The following BTD variants were observed in gnomAD, a reference collection of about 807,000 sequenced individuals.
BTD encodes biocytinase.
Under a neutral mutation model 17.7 loss-of-function variants are expected in BTD, and 13 were observed. The observed-to-expected ratio is 0.74, with a 90% confidence interval of 0.48 to 1.17. BTD has a LOEUF of 1.17. Ranked by LOEUF, BTD falls within the 50% of genes most tolerant of loss-of-function variation. The pLI, the probability that BTD is intolerant of heterozygous loss-of-function variation, is 0.00. For missense variants in BTD, 674 were observed against 650.4 expected, an observed-to-expected ratio of 1.04 and a Z score of -0.39; for synonymous variants, 240 against 245.2, an observed-to-expected ratio of 0.98 and a Z score of 0.20.
At position 15,648,613 on chromosome 3, in the gene BTD, C is replaced by T. The variant is rs570691947; in HGVS notation, c.*3125C>T. On this transcript the variant is annotated 3_prime_UTR_variant, in exon 4 of 4. Transcript: ENST00000643237. ...ACAGTGAAGATATCAACCAAGGCTG[C>T]AGCCGGTTGAAGGCCTCACTGGATT... 1.3e-5 allele frequency among the ~76,000 whole-genome samples: 2 copies of T among 152,316 alleles called. No homozygotes were observed. Among genetic ancestry groups the T allele is most frequent in the South Asian group, 2.1e-4 (1 of 4,822 alleles).
Position 15,680,764 on chromosome 3 carries a change from C to CTG in BTD, c.400-29296_400-29295insTG, listed in dbSNP as rs1378258217. Among the ~76,000 whole-genome samples, 1,051 of 152,176 alleles carry CTG rather than the reference C, an allele frequency of 6.9e-3. 13 individuals are homozygous for CTG. Among genetic ancestry groups the CTG allele is most frequent in the African/African-American group, 0.024 (1,005 of 41,492 alleles). ...CTCTGCAGTCTCAACCTCCTGGGCT[C>CTG]AAGTGATCCTCCCACCTCAGCCTCC... On this transcript the variant is annotated intron_variant, in intron 3 of 3. Coordinates refer to the BTD transcript ENST00000672141.
chr3:15,705,182 C>T (rs1485200160), intron 3 of BTD, among the ~76,000 whole-genome samples: 2 of 152,112 alleles, frequency 1.3e-5, no homozygotes, highest in African/African-American at 4.8e-5. Flanking sequence ...AAAGTCATTG[C>T]TTACTTGCTC....
At chr3:15,638,625 T>A (rs2065421700) in intron 2 of BTD, among the ~76,000 whole-genome samples, 1 of 152,206 alleles carries the variant, frequency 6.6e-6, no homozygotes, top group African/African-American at 2.4e-5. Context: ...TTATAAGAGG[T>A]TCCTGAGCAA....
chr3:15,650,844 A>G lies in BTD; in HGVS notation c.*5356A>G, dbSNP rs1455312098. ...GAGTGCAATGGCATGATCTCGGCTC[A>G]CTGCAAGCTCTGCCTCCCGAGTTCA... On this transcript the variant is annotated 3_prime_UTR_variant, in exon 4 of 4. Coordinates refer to ENST00000643237, the MANE Select transcript of BTD (RefSeq NM_001370658.1). Among the ~76,000 whole-genome samples the G allele has an allele frequency of 6.6e-6, 1 of 152,174 alleles. No individual in the cohort carries two copies. Among genetic ancestry groups the G allele is most frequent in the Non-Finnish European group, 1.5e-5 (1 of 68,026 alleles).
At position 15,679,154 on chromosome 3, in the gene BTD, AGATGCAGGT is replaced by A. The variant is rs904599792; in HGVS notation, c.400-30905_400-30897del. 3 of 670,216 alleles carry A rather than the reference AGATGCAGGT, an allele frequency of 4.5e-6. No individual in the cohort carries two copies. The African/African-American group carries it at 5.5e-5, about 12-fold the overall frequency. 41.5% of individuals were successfully genotyped at this position (670,216 alleles called of 1,614,324 possible). On this transcript the variant is annotated intron_variant, in intron 3 of 3. Transcript: ENST00000672141. ...CATGCACTTTTTTTTTTTTTGGTAGAGATGCAGGTCTTGCTATGTTGACCAGGCTGGTCT... is the reference window on the plus strand; with the variant it reads ...CATGCACTTTTTTTTTTTTTGGTAGACTTGCTATGTTGACCAGGCTGGTCT...
At chr3:15,671,295 A>G (rs1294253045) in intron 3 of BTD, among the ~76,000 whole-genome samples, 1 of 152,228 alleles carries the variant, frequency 6.6e-6, no homozygotes, top group Non-Finnish European at 1.5e-5. Context: ...TTGGTACCTC[A>G]GTTGGTACAA....
intron 3 of BTD, among the ~76,000 whole-genome samples, chr3:15,674,174 C>CAAAA (rs34806568): frequency 0.011 from 441 of 40,030 alleles, 45 homozygotes; most frequent in African/African-American, 0.03. Context: ...CCTGCCTCTT[C>CAAAA]AAAAAAAAAA....
At chr3:15,658,998 G>C (rs2455798) in intron 3 of BTD, among the ~76,000 whole-genome samples, 78,897 of 151,942 alleles carry the variant, frequency 0.52, 21,454 homozygotes, top group Middle Eastern at 0.64. Flanking sequence ...ACAGGGGGCT[G>C]TATGTATCTG....
intron 1 of BTD, among the ~76,000 whole-genome samples, chr3:15,602,493 A>G (rs2064296060): frequency 6.6e-6 from 1 of 152,236 alleles, no homozygotes; most frequent in African/African-American, 2.4e-5. Context: ...GCAATGTGCA[A>G]TATCTGAAAC....
At chr3:15,671,060 GAT>G (rs1407044082) in intron 3 of BTD, among the ~76,000 whole-genome samples, 1 of 152,220 alleles carries the variant, frequency 6.6e-6, no homozygotes, top group Non-Finnish European at 1.5e-5. Context: ...GTGCTCAAAA[GAT>G]ATGTGTTGAA....
At chr3:15,692,971 C>A (rs1196901725) in intron 3 of BTD, among the ~76,000 whole-genome samples, 1 of 151,976 alleles carries the variant, frequency 6.6e-6, no homozygotes, top group African/African-American at 2.4e-5. Context: ...ATGGATGAAA[C>A]CTGCTAGATG....
At chr3:15,618,717 G>C (rs2064865289) in intron 1 of BTD, among the ~76,000 whole-genome samples, 1 of 151,992 alleles carries the variant, frequency 6.6e-6, no homozygotes, top group African/African-American at 2.4e-5. Flanking sequence ...CATAGAGATG[G>C]GGTTTCACCA....
intron 1 of BTD, among the ~76,000 whole-genome samples, chr3:15,633,318 C>T (rs1378549394): frequency 1.3e-5 from 2 of 150,448 alleles, no homozygotes; most frequent in Non-Finnish European, 3.0e-5. Context: ...ATTACTCATT[C>T]TCTTCTACCT....
chr3:15,721,751 TTTC>T, intron 4 of BTD, among the ~76,000 whole-genome samples: 1 of 152,176 alleles, frequency 6.6e-6, no homozygotes, highest in Non-Finnish European at 1.5e-5. Context: ...GGGTTTTGCT[TTTC>T]TTTTTTTTGA....
At chr3:15,602,264 C>A (rs2064285197) in intron 1 of BTD, 1 of 1,245,184 alleles carries the variant, frequency 8.0e-7, no homozygotes, top group Admixed American at 3.8e-5. Context: ...GTTTCCTACC[C>A]ACTATTCAGC....
At chr3:15,692,399 G>C (rs866420304) in intron 3 of BTD, among the ~76,000 whole-genome samples, 1 of 152,158 alleles carries the variant, frequency 6.6e-6, no homozygotes, top group Admixed American at 6.5e-5. Flanking sequence ...GTAGTGAGCC[G>C]TGATTGTGCC....
At chr3:15,714,631 T>C, downstream of BTD, 2 of 1,599,874 alleles carry the variant, frequency 1.3e-6, no homozygotes, top group Non-Finnish European at 1.7e-6. Flanking sequence ...AGCAGTCATG[T>C]GTAGTGGGGT....
In BTD at chr3:15,646,583, T is replaced by G. The variant is rs2065699790; in HGVS notation, c.*1095T>G. On this transcript the variant is annotated 3_prime_UTR_variant, in exon 4 of 4. Coordinates refer to ENST00000643237, the MANE Select transcript of BTD (RefSeq NM_001370658.1). ...TATGGTGAAGACATTTTTAGGCCAC[T>G]GATTTCTGTGTAATTTGTGTCCAAT... The G allele has an allele frequency of 6.6e-6, 1 of 152,246 alleles. No individual in the cohort carries two copies. The highest frequency in any genetic ancestry group is 2.1e-4 in the South Asian group (1 of 4,836). 9.4% of individuals were successfully genotyped at this position (152,246 alleles called of 1,614,324 possible).
chr3:15,692,558 C>G (rs2068949317), intron 3 of BTD, among the ~76,000 whole-genome samples: 1 of 152,174 alleles, frequency 6.6e-6, no homozygotes, highest in African/African-American at 2.4e-5. Flanking sequence ...TTGTATGGGA[C>G]TGAGAGAAGA....
Sources: gnomAD v4.1 joint callset for allele counts (sites outside exome capture counted in the v4.1 genomes callset) on GRCh38, gnomAD v4.1.1 for gene constraint, MANE v1.5 for transcripts, NCBI Gene and HGNC (gene_info 2026-07-23, HGNC 2026-07-21) for gene names.